The following DCHS2 variants were observed in gnomAD, a reference collection of about 807,000 sequenced individuals.
DCHS2 encodes the protein protocadherin-23.
Under a neutral mutation model 182.4 loss-of-function variants are expected in DCHS2, and 142 were observed. The observed-to-expected ratio is 0.78, with a 90% CI of 0.68 to 0.89. The LOEUF is 0.89. DCHS2 is among the 40% of genes least tolerant of loss of function. The pLI, the probability that DCHS2 is intolerant of heterozygous loss-of-function variation, is 0.00. For synonymous variants in DCHS2, 1,740 were observed against 1,663.3 expected (o/e 1.05, Z -1.12); for missense variants, 4,319 against 4,198.6 (o/e 1.03, Z -0.79).
chr4:154,270,071 CA>C, intron 13 of DCHS2, 58 bp from the exon 14 acceptor site: 1 of 1,537,568 alleles, frequency 6.5e-7, no homozygotes, highest in South Asian at 1.2e-5. Context: ...CATGGAAACA[CA>C]AGAGAAAATA....
At chr4:154,259,493 GACACACCCAC>G (rs1732864012) in intron 15 of DCHS2, 42 bp downstream of exon 15, 2 of 1,575,664 alleles carry the variant, frequency 1.3e-6, no homozygotes, top group Non-Finnish European at 8.6e-7. Context: ...CTCTCACACA[GACACACCCAC>G]ACACACACAC....
intron 10 of DCHS2, among the ~76,000 whole-genome samples, chr4:154,307,898 C>T (rs1735512722): frequency 1.3e-5 from 2 of 152,086 alleles, no homozygotes; most frequent in African/African-American, 4.8e-5. Flanking sequence ...GAAAGAACTC[C>T]CTCACCCTCT....
chr4:154,392,361 A>G (rs1050893075), intron 1 of DCHS2, among the ~76,000 whole-genome samples: 6 of 152,240 alleles, frequency 3.9e-5, no homozygotes, highest in African/African-American at 1.4e-4. Context: ...TCCCAGTGGA[A>G]GGATGCATTC....
intron 3 of DCHS2, among the ~76,000 whole-genome samples, chr4:154,363,070 T>C (rs569742786): frequency 2.9e-4 from 44 of 152,334 alleles, no homozygotes; most frequent in Non-Finnish European, 3.5e-4. Flanking sequence ...ATCAACTGTA[T>C]ATTCTAATAC....
chr4:154,456,475 A>G (rs1734772975), intron 1 of DCHS2, among the ~76,000 whole-genome samples: 2 of 152,228 alleles, frequency 1.3e-5, no homozygotes, highest in African/African-American at 4.8e-5. Flanking sequence ...ATGCTAATGC[A>G]GATATGACAC....
At chr4:154,409,545 T>A (rs1365188931) in intron 1 of DCHS2, among the ~76,000 whole-genome samples, 2 of 152,126 alleles carry the variant, frequency 1.3e-5, no homozygotes, top group Non-Finnish European at 2.9e-5. Context: ...GACAGGGGAT[T>A]CCTCAGAGTA....
At chr4:154,386,420 CTT>C (rs1731421436) in intron 1 of DCHS2, among the ~76,000 whole-genome samples, 1 of 152,206 alleles carries the variant, frequency 6.6e-6, no homozygotes, top group Admixed American at 6.5e-5. Flanking sequence ...TCTCTTTACT[CTT>C]TGTACACCTA....
chr4:154,464,659 A>G (rs1258653521), intron 1 of DCHS2, among the ~76,000 whole-genome samples: 2 of 152,190 alleles, frequency 1.3e-5, no homozygotes, highest in Non-Finnish European at 2.9e-5. Context: ...AGGTAAATAC[A>G]AATTTGAAGC....
rs1484477945 is a variant in DCHS2, at chr4:154,366,208, A to T, written c.2476+2T>A. ...GATGAAAACTGTTCCAAGATCACAT[A>T]CCTGTGGTGGAGTCAATGGTAAAAA... On this transcript the variant is annotated splice_donor_variant, in intron 3 of 19. Transcript: ENST00000357232. LOFTEE classifies it high-confidence loss of function. The T allele has an allele frequency of 1.2e-6, 2 of 1,608,636 alleles. No individual in the cohort carries two copies. The highest frequency in any genetic ancestry group is 2.7e-5 in the African/African-American group (2 of 74,804).
chr4:154,420,604 GC>G (rs1433853564), intron 1 of DCHS2, among the ~76,000 whole-genome samples: 3 of 152,108 alleles, frequency 2.0e-5, no homozygotes, highest in Non-Finnish European at 4.4e-5. Flanking sequence ...GATAGTCCCA[GC>G]CCCAGGAGAG....
intron 3 of DCHS2, chr4:154,343,473 C>A: frequency 6.9e-7 from 1 of 1,439,436 alleles, no homozygotes; most frequent in Non-Finnish European, 9.2e-7. Flanking sequence ...ACCACCTTCA[C>A]CAAGAATCTT....
intron 3 of DCHS2, among the ~76,000 whole-genome samples, chr4:154,341,605 CAT>C (rs113346277): frequency 0.03 from 3,962 of 131,510 alleles, 164 homozygotes; most frequent in African/African-American, 0.092. Context: ...CACATACATT[CAT>C]ATATATATAC....
At chr4:154,419,222 A>T (rs1732995605) in intron 1 of DCHS2, among the ~76,000 whole-genome samples, 1 of 152,236 alleles carries the variant, frequency 6.6e-6, no homozygotes, top group African/African-American at 2.4e-5. Context: ...TAAAGTCAGC[A>T]CAAAAATTAT....
chr4:154,337,865 C>T (rs1025221981), intron 3 of DCHS2, among the ~76,000 whole-genome samples: 9 of 152,096 alleles, frequency 5.9e-5, no homozygotes, highest in Admixed American at 3.9e-4. Flanking sequence ...CTCAGCCTCC[C>T]GAGTAGCTGG....
intron 16 of DCHS2, 149 bp downstream of exon 16, chr4:154,255,370 G>A (rs1299069591): frequency 4.4e-6 from 5 of 1,138,688 alleles, no homozygotes; most frequent in Non-Finnish European, 5.8e-6. Context: ...ATCAAAAAGA[G>A]TAGATCAAAG....
At chr4:154,429,085 G>A (rs1240200045) in intron 1 of DCHS2, among the ~76,000 whole-genome samples, 2 of 152,116 alleles carry the variant, frequency 1.3e-5, no homozygotes, top group Non-Finnish European at 2.9e-5. Context: ...ACAACCTGGC[G>A]ATGGTTTATA....
In DCHS2 at chr4:154,297,868, G is replaced by T. The variant is rs1448516762; in HGVS notation, c.6446C>A (p.Thr2149Asn). Residue 2149 changes from threonine (T) to asparagine (N), a missense_variant, in exon 13 of 20, where the codon ACT becomes AAT. Transcript: ENST00000357232. ...ACACTCACCTGCCTCACAATTTTCA[G>T]TCACGAGCCCTTTATACAGGTGGTG... ...FSHHLYKGLV[T>N]ENCEAGTSIV... 1 of 1,607,694 alleles carries T rather than the reference G, an allele frequency of 6.2e-7. No individual in the cohort carries two copies. The highest frequency in any genetic ancestry group is 8.5e-7 in the Non-Finnish European group (1 of 1,176,296).
At chr4:154,373,193 C>T (rs1314384775) in intron 2 of DCHS2, among the ~76,000 whole-genome samples, 1 of 152,200 alleles carries the variant, frequency 6.6e-6, no homozygotes, top group Non-Finnish European at 1.5e-5. Flanking sequence ...GTCTACGTTG[C>T]TTTCAGGGGA....
At chr4:154,394,252 A>C (rs1731837998) in intron 1 of DCHS2, among the ~76,000 whole-genome samples, 1 of 152,150 alleles carries the variant, frequency 6.6e-6, no homozygotes, top group South Asian at 2.1e-4. Flanking sequence ...TATTCTTGAA[A>C]TGCAATGCAC....
Sources: gnomAD v4.1 joint callset for allele counts (sites outside exome capture counted in the v4.1 genomes callset) on GRCh38, gnomAD v4.1.1 for gene constraint, MANE v1.5 for transcripts, NCBI Gene and HGNC (gene_info 2026-07-23, HGNC 2026-07-21) for gene names.